The following CDK6 variants were observed in gnomAD, a reference collection of about 807,000 sequenced individuals.
CDK6 encodes the protein cyclin-dependent kinase 6.
In CDK6, 6 loss-of-function variants were observed where a neutral mutation model predicts 37.1. The observed-to-expected ratio is 0.16, with a 90% confidence interval of 0.09 to 0.32. The LOEUF is 0.32. Among genes scored for constraint, CDK6 ranks in the 10% least tolerant of loss-of-function variants. The pLI is 1.00. For missense variants in CDK6, 224 were observed against 418.9 expected (o/e 0.53, Z 4.06); for synonymous variants, 160 against 161.3 (o/e 0.99, Z 0.06).
intron 2 of CDK6, among the ~76,000 whole-genome samples, chr7:92,807,565 T>C (rs1295264911): frequency 6.6e-6 from 1 of 151,754 alleles, no homozygotes; most frequent in Admixed American, 6.6e-5. Context: ...ATATATATAA[T>C]AGGTATAGAT....
intron 7 of CDK6, among the ~76,000 whole-genome samples, chr7:92,615,916 T>C (rs113537615): frequency 6.6e-6 from 1 of 152,212 alleles, no homozygotes; most frequent in South Asian, 2.1e-4. Flanking sequence ...GCAATCTCTA[T>C]TCCCAAACTG....
chr7:92,717,888 T>A (rs1034200335), intron 4 of CDK6, among the ~76,000 whole-genome samples: 1 of 152,210 alleles, frequency 6.6e-6, no homozygotes, highest in Non-Finnish European at 1.5e-5. Context: ...ATGGCAGAAA[T>A]TCTCACAGTG....
chr7:92,768,951 G>T (rs1799646816), intron 3 of CDK6, among the ~76,000 whole-genome samples: 1 of 152,050 alleles, frequency 6.6e-6, no homozygotes, highest in South Asian at 2.1e-4. Flanking sequence ...GATCTGAGAG[G>T]CTTTCCTCAT....
chr7:92,744,537 C>T (rs2115649207), intron 3 of CDK6, among the ~76,000 whole-genome samples: 1 of 152,222 alleles, frequency 6.6e-6, no homozygotes, highest in East Asian at 1.9e-4. Flanking sequence ...CCTCAGTTTT[C>T]CTTTGGGATC....
At chr7:92,673,563 A>AT (rs1418502523) in intron 4 of CDK6, among the ~76,000 whole-genome samples, 1 of 152,106 alleles carries the variant, frequency 6.6e-6, no homozygotes, top group Non-Finnish European at 1.5e-5. Flanking sequence ...CTCCCAGAGT[A>AT]TTTTCCATCA....
chr7:92,669,058 C>A (rs2116598018), intron 5 of CDK6, among the ~76,000 whole-genome samples: 1 of 152,344 alleles, frequency 6.6e-6, no homozygotes, highest in Middle Eastern at 3.4e-3. Flanking sequence ...CAGACTGCTG[C>A]CACTATCATC....
chr7:92,713,658 T>C (rs1471075301), intron 4 of CDK6, among the ~76,000 whole-genome samples: 2 of 110,940 alleles, frequency 1.8e-5, no homozygotes, highest in South Asian at 5.3e-4. Context: ...CCTCAAAATT[T>C]AAAAAAAGTA....
chr7:92,635,032 G>T (rs1796137959), intron 5 of CDK6, among the ~76,000 whole-genome samples: 1 of 152,180 alleles, frequency 6.6e-6, no homozygotes, highest in Non-Finnish European at 1.5e-5. Context: ...AAGCACCGAG[G>T]ATTAGTAAAA....
At chr7:92,636,351 G>C (rs1295795602) in intron 5 of CDK6, among the ~76,000 whole-genome samples, 1 of 152,106 alleles carries the variant, frequency 6.6e-6, no homozygotes, top group Non-Finnish European at 1.5e-5. Flanking sequence ...GCACCACTGT[G>C]CCCAGCCAAC....
At chr7:92,828,420 A>T (rs900445285) in intron 2 of CDK6, among the ~76,000 whole-genome samples, 12 of 152,196 alleles carry the variant, frequency 7.9e-5, no homozygotes, top group Non-Finnish European at 1.8e-4. Flanking sequence ...TAGTTTTAAG[A>T]ACAAGTCAAT....
At chr7:92,766,481 A>G (rs1441552443) in intron 3 of CDK6, among the ~76,000 whole-genome samples, 1 of 152,198 alleles carries the variant, frequency 6.6e-6, no homozygotes, top group Non-Finnish European at 1.5e-5. Flanking sequence ...TTAGCTGACT[A>G]TCTGTACCAA....
At chr7:92,617,926 G>C in intron 7 of CDK6, 146 bp downstream of exon 7, 1 of 646,476 alleles carries the variant, frequency 1.5e-6, no homozygotes, top group Non-Finnish European at 2.5e-6. Context: ...AACCTCTGGA[G>C]GGACTGTTGC....
chr7:92,629,964 A>G (rs1319342784), intron 5 of CDK6, among the ~76,000 whole-genome samples: 3 of 151,948 alleles, frequency 2.0e-5, no homozygotes, highest in African/African-American at 7.3e-5. Context: ...AATGGCACTA[A>G]TCCAATCATG....
At chr7:92,656,779 C>A (rs185026770) in intron 5 of CDK6, among the ~76,000 whole-genome samples, 4 of 152,266 alleles carry the variant, frequency 2.6e-5, no homozygotes, top group African/African-American at 9.6e-5. Flanking sequence ...AAAGATTAGA[C>A]TGGTAAGAAC....
chr7:92,794,534 G>A (rs1800359218), intron 2 of CDK6, among the ~76,000 whole-genome samples: 1 of 151,990 alleles, frequency 6.6e-6, no homozygotes, highest in South Asian at 2.1e-4. Flanking sequence ...TTTGTGCTGT[G>A]CCTCAACACC....
intron 5 of CDK6, among the ~76,000 whole-genome samples, chr7:92,652,602 T>C (rs1012803498): frequency 1.3e-5 from 2 of 152,192 alleles, no homozygotes; most frequent in Non-Finnish European, 2.9e-5. Flanking sequence ...AACTAATAAT[T>C]CATAATGAAA....
At chr7:92,818,105 G>C (rs1801074800) in intron 2 of CDK6, among the ~76,000 whole-genome samples, 1 of 151,826 alleles carries the variant, frequency 6.6e-6, no homozygotes, top group African/African-American at 2.4e-5. Flanking sequence ...TAACTAACAA[G>C]CTGACTCTAA....
At chr7:92,687,492 GA>G (rs1192618612) in intron 4 of CDK6, among the ~76,000 whole-genome samples, 1 of 152,070 alleles carries the variant, frequency 6.6e-6, no homozygotes, top group Admixed American at 6.5e-5. Flanking sequence ...AAACAAGGAG[GA>G]AAAAATCCAT....
intron 4 of CDK6, chr7:92,724,948 TAATG>T: frequency 2.3e-6 from 2 of 883,408 alleles, no homozygotes. Context: ...ATCTGAGAAA[TAATG>T]AACTATATGG....
Sources: gnomAD v4.1 joint callset for allele counts (sites outside exome capture counted in the v4.1 genomes callset) on GRCh38, gnomAD v4.1.1 for gene constraint, MANE v1.5 for transcripts, NCBI Gene and HGNC (gene_info 2026-07-23, HGNC 2026-07-21) for gene names.